The following AP2B1 variants were observed in gnomAD, a reference collection of about 807,000 sequenced individuals.
The protein encoded by AP2B1 is AP-2 complex subunit beta.
In AP2B1, 23 loss-of-function variants were observed where a neutral mutation model predicts 102.0. The ratio of observed to expected loss-of-function variants is 0.23; its 90% CI spans 0.16 to 0.32. The LOEUF is 0.32. AP2B1 is among the 10% of genes least tolerant of loss of function. The probability of loss-of-function intolerance (pLI) is 1.00; values close to 1 mark genes in which losing one functional copy is unlikely to be tolerated. For synonymous variants in AP2B1, 381 were observed against 421.2 expected (o/e 0.90, Z 1.17); for missense variants, 541 against 1,157.4 (o/e 0.47, Z 7.73).
intron 5 of AP2B1, among the ~76,000 whole-genome samples, chr17:35,609,595 A>G (rs971094813): frequency 1.3e-5 from 2 of 152,030 alleles, no homozygotes; most frequent in African/African-American, 4.8e-5. Context: ...GATCCACCTG[A>G]CATGGCCTCC....
intron 13 of AP2B1, 83 bp downstream of exon 13, chr17:35,650,872 A>T (rs1453503158): frequency 6.8e-7 from 1 of 1,474,320 alleles, no homozygotes; most frequent in African/African-American, 1.4e-5. Flanking sequence ...TATAGTCTGG[A>T]AAAGAACTGC....
intron 6 of AP2B1, among the ~76,000 whole-genome samples, chr17:35,624,876 A>T (rs2074275838): frequency 6.6e-6 from 1 of 152,170 alleles, no homozygotes; most frequent in South Asian, 2.1e-4. Context: ...AGCAAAGATT[A>T]TTGAGTATCT....
chr17:35,650,260 ATTT>A (rs748238758), intron 12 of AP2B1, among the ~76,000 whole-genome samples: 1 of 151,700 alleles, frequency 6.6e-6, no homozygotes, highest in Non-Finnish European at 1.5e-5. Flanking sequence ...GGCCCTGATG[ATTT>A]TTTATATTTT....
At chr17:35,605,130 C>G (rs1207820870) in intron 3 of AP2B1, among the ~76,000 whole-genome samples, 1 of 152,092 alleles carries the variant, frequency 6.6e-6, no homozygotes, top group Non-Finnish European at 1.5e-5. Flanking sequence ...CCTTGAACAC[C>G]TGGTCTCAAG....
At chr17:35,670,654 C>T (rs1041709857) in intron 14 of AP2B1, among the ~76,000 whole-genome samples, 1 of 152,192 alleles carries the variant, frequency 6.6e-6, no homozygotes, top group Non-Finnish European at 1.5e-5. Flanking sequence ...TTTCTCCAAA[C>T]TGATACACCA....
intron 13 of AP2B1, chr17:35,651,138 A>G (rs2075075887): frequency 1.0e-5 from 2 of 200,630 alleles, no homozygotes; most frequent in Non-Finnish European, 2.0e-5. Flanking sequence ...ATAACCCCAT[A>G]GTTGAAAACT....
At chr17:35,661,316 A>G (rs1159625013) in intron 14 of AP2B1, among the ~76,000 whole-genome samples, 1 of 152,194 alleles carries the variant, frequency 6.6e-6, no homozygotes, top group African/African-American at 2.4e-5. Context: ...AGACATTGCT[A>G]TTTTTAAAAA....
chr17:35,629,541 G>T lies in AP2B1; in HGVS notation c.1155+1815G>T, dbSNP rs1243368464. Among the ~76,000 whole-genome samples the T allele has an allele frequency of 1.8e-4, 27 of 151,970 alleles. 1 individual carries two copies. Among genetic ancestry groups the T allele is most frequent in the Admixed American group, 1.8e-3 (27 of 15,246 alleles). On this transcript the variant is annotated intron_variant, in intron 9 of 21. Transcript: ENST00000610402. Reference sequence around the variant, plus strand: ...GAATCTCTGAGGATATGAATGATTCGTTTTTTTGTTTCTGCACTTTGAATT... The same window carrying T: ...GAATCTCTGAGGATATGAATGATTCTTTTTTTTGTTTCTGCACTTTGAATT...
chr17:35,654,898 C>T (rs1479393899), intron 13 of AP2B1, among the ~76,000 whole-genome samples: 1 of 151,928 alleles, frequency 6.6e-6, no homozygotes, highest in Non-Finnish European at 1.5e-5. Context: ...ATACCACGGC[C>T]GTTGAACATA....
chr17:35,657,860 A>T, intron 14 of AP2B1, 69 bp downstream of exon 14: 1 of 1,445,570 alleles, frequency 6.9e-7, no homozygotes, highest in East Asian at 2.3e-5. Context: ...GTTTTAAATT[A>T]TTCAGCTTTT....
chr17:35,633,912 C>T lies in AP2B1; in HGVS notation c.1156-2429C>T, dbSNP rs570954849. On this transcript the variant is annotated intron_variant, in intron 9 of 21. Coordinates refer to ENST00000610402, the MANE Select transcript of AP2B1 (RefSeq NM_001030006.2). ...CTGTAATACTAGCACTTTGGGAGGCCGAGGCGGGCGGATCACTTGAGGCCA... is the reference window on the plus strand; with the variant it reads ...CTGTAATACTAGCACTTTGGGAGGCTGAGGCGGGCGGATCACTTGAGGCCA... Among the ~76,000 whole-genome samples the T allele has an allele frequency of 3.9e-5, 6 of 152,114 alleles. No individual in the cohort carries two copies. In the South Asian group the frequency reaches 1.0e-3, roughly 26 times the overall value.
chr17:35,639,202 A>C (rs2074697724), intron 10 of AP2B1, among the ~76,000 whole-genome samples: 1 of 152,022 alleles, frequency 6.6e-6, no homozygotes, highest in African/African-American at 2.4e-5. Context: ...GTGTGGTGGC[A>C]CTAAATTGTA....
chr17:35,589,964 C>T (rs1433382877), intron 1 of AP2B1, among the ~76,000 whole-genome samples: 3 of 116,578 alleles, frequency 2.6e-5, no homozygotes, highest in African/African-American at 6.8e-5. Flanking sequence ...CTCACTCTTT[C>T]GCCCAGGCTG....
intron 9 of AP2B1, among the ~76,000 whole-genome samples, chr17:35,629,144 C>T (rs1374222503): frequency 6.6e-6 from 1 of 151,952 alleles, no homozygotes; most frequent in Non-Finnish European, 1.5e-5. Context: ...AGACGAGGTT[C>T]GCCATGTTGG....
chr17:35,610,153 A>ATTTTTTTT (rs1555557600), intron 5 of AP2B1, among the ~76,000 whole-genome samples: 1 of 149,662 alleles, frequency 6.7e-6, no homozygotes, highest in Non-Finnish European at 1.5e-5. Flanking sequence ...TTTATTTTTT[A>ATTTTTTTT]TTTTTTTTTG....
At chr17:35,717,153 G>A (rs782486654) in intron 20 of AP2B1, 42 bp from the exon 21 acceptor site, 104 of 1,605,962 alleles carry the variant, frequency 6.5e-5, no homozygotes, top group Non-Finnish European at 8.5e-5. Context: ...ATTTGTTTGA[G>A]ATTTTAACTG....
rs782710634 is a variant in AP2B1 at position 35,710,349 on chromosome 17, C to T, written c.2626+29C>T. ...AGTAATATACTCTAAATTTCAGTTTCATCTTAGTAAATCAAATTAGATATT... is the reference window on the plus strand; with the variant it reads ...AGTAATATACTCTAAATTTCAGTTTTATCTTAGTAAATCAAATTAGATATT... On this transcript the variant is annotated intron_variant, in intron 20 of 21. Coordinates refer to ENST00000610402, the MANE Select transcript of AP2B1 (RefSeq NM_001030006.2). The T allele has an allele frequency of 9.7e-6, 14 of 1,443,144 alleles. No individual in the cohort carries two copies. In the South Asian group the frequency reaches 1.2e-4, roughly 12 times the overall value. 89.4% of individuals were successfully genotyped at this position (1,443,144 alleles called of 1,614,324 possible).
chr17:35,644,507 A>C (rs545553424), intron 12 of AP2B1, among the ~76,000 whole-genome samples: 1 of 150,822 alleles, frequency 6.6e-6, no homozygotes, highest in South Asian at 2.1e-4. Context: ...CTTCCTGAGT[A>C]GCTGGGATTA....
chr17:35,675,902 GT>G (rs147770961), intron 17 of AP2B1, among the ~76,000 whole-genome samples: 1,912 of 152,198 alleles, frequency 0.013, 15 homozygotes, highest in South Asian at 0.025. Context: ...GTTGTCTAAT[GT>G]TTTTGTACTG....
Sources: gnomAD v4.1 joint callset for allele counts (sites outside exome capture counted in the v4.1 genomes callset) on GRCh38, gnomAD v4.1.1 for gene constraint, MANE v1.5 for transcripts, NCBI Gene and HGNC (gene_info 2026-07-23, HGNC 2026-07-21) for gene names.